Variants in ADARB2 observed in about 807,000 individuals in gnomAD.
ADARB2 encodes adenosine deaminase RNA specific B2 (inactive).
ADARB2 carries 25 observed loss-of-function variants against 62.2 expected under a neutral mutation model. The observed-to-expected ratio is 0.40, with a 90% CI of 0.29 to 0.56. The LOEUF is 0.56. ADARB2 is among the 20% of genes least tolerant of loss of function. The pLI, the probability that ADARB2 is intolerant of heterozygous loss-of-function variation, is 0.43. For synonymous variants in ADARB2, 572 were observed against 500.8 expected (o/e 1.14, Z -1.90); for missense variants, 1,071 against 1,077.4 (o/e 0.99, Z 0.08).
intron 1 of ADARB2, among the ~76,000 whole-genome samples, chr10:1,495,102 A>G (rs1305328689): frequency 2.6e-5 from 4 of 152,228 alleles, no homozygotes; most frequent in African/African-American, 9.6e-5. Flanking sequence ...TTTTTAGACC[A>G]CAGTTTACAT....
chr10:1,535,402 G>C (rs945701279), intron 1 of ADARB2, among the ~76,000 whole-genome samples: 1 of 152,182 alleles, frequency 6.6e-6, no homozygotes, highest in South Asian at 2.1e-4. Context: ...ACAATATTCC[G>C]AGGTGATACT....
chr10:1,665,539 C>T (rs1321233472), intron 1 of ADARB2, among the ~76,000 whole-genome samples: 4 of 152,382 alleles, frequency 2.6e-5, no homozygotes, highest in South Asian at 2.1e-4. Flanking sequence ...CCCACCCAGG[C>T]GGTGCATAGA....
intron 1 of ADARB2, among the ~76,000 whole-genome samples, chr10:1,591,859 G>T (rs1342652748): frequency 1.3e-5 from 2 of 152,206 alleles, no homozygotes; most frequent in African/African-American, 4.8e-5. Context: ...CTGGTATCTT[G>T]TAAGTGATAA....
intron 1 of ADARB2, among the ~76,000 whole-genome samples, chr10:1,627,504 C>G (rs1347523336): frequency 6.6e-6 from 1 of 152,182 alleles, no homozygotes; most frequent in African/African-American, 2.4e-5. Flanking sequence ...AGTCCTTGCA[C>G]AGACCCCATA....
chr10:1,732,239 A>G (rs899748653), intron 1 of ADARB2, among the ~76,000 whole-genome samples: 1 of 151,586 alleles, frequency 6.6e-6, no homozygotes, highest in African/African-American at 2.4e-5. Flanking sequence ...GTGTATATAT[A>G]TCATACTATA....
chr10:1,444,404 C>A (rs1170390705), intron 1 of ADARB2, among the ~76,000 whole-genome samples: 1 of 149,976 alleles, frequency 6.7e-6, no homozygotes, highest in African/African-American at 2.5e-5. Context: ...TACATCCATC[C>A]ATCTATCCAT....
chr10:1,267,298 A>G (rs1038777251), intron 4 of ADARB2, among the ~76,000 whole-genome samples: 4 of 152,254 alleles, frequency 2.6e-5, no homozygotes, highest in Non-Finnish European at 5.9e-5. Context: ...CCCCCTGGGA[A>G]TCTATTGAGA....
chr10:1,187,185 G>A (rs1162757556), intron 8 of ADARB2, among the ~76,000 whole-genome samples: 1 of 152,220 alleles, frequency 6.6e-6, no homozygotes, highest in Non-Finnish European at 1.5e-5. Flanking sequence ...CTGCCACCCC[G>A]AGAGCCGGGA....
intron 1 of ADARB2, among the ~76,000 whole-genome samples, chr10:1,448,497 G>C (rs1204542914): frequency 6.6e-6 from 1 of 152,170 alleles, no homozygotes. Flanking sequence ...CCCATTTCTG[G>C]TCTTGGCAGG....
At chr10:1,670,757 G>C (rs1369310940) in intron 1 of ADARB2, among the ~76,000 whole-genome samples, 1 of 152,174 alleles carries the variant, frequency 6.6e-6, no homozygotes, top group South Asian at 2.1e-4. Context: ...CCAACACTAC[G>C]GCTTCCTGAG....
Position 1,695,662 on chromosome 10 carries a change from C to T in ADARB2, c.100+41389G>A, listed in dbSNP as rs147356425. 2.8e-3 allele frequency among the ~76,000 whole-genome samples: 433 copies of T among 152,000 alleles called. 4 individuals are homozygous for T. The highest frequency in any genetic ancestry group is 0.01 in the Middle Eastern group (3 of 294). ...ATACACATAAACATGCATGCGAGAG[C>T]GTATGTGCATGTATGCAAGAAACAT... On this transcript the variant is annotated intron_variant, in intron 1 of 9. Transcript: ENST00000381312.
intron 8 of ADARB2, 101 bp from the exon 9 acceptor site, chr10:1,185,140 A>G (rs1836735027): frequency 2.2e-6 from 3 of 1,390,944 alleles, no homozygotes; most frequent in Non-Finnish European, 2.9e-6. Context: ...TGTGAGTGGG[A>G]ATGGTCCTCC....
chr10:1,317,652 G>A (rs1186323579), intron 3 of ADARB2, among the ~76,000 whole-genome samples: 1 of 151,062 alleles, frequency 6.6e-6, no homozygotes, highest in East Asian at 1.9e-4. Context: ...TGTTGCTGGT[G>A]CATCCATCTG....
chr10:1,464,239 G>A (rs1380528309), intron 1 of ADARB2, among the ~76,000 whole-genome samples: 1 of 131,792 alleles, frequency 7.6e-6, no homozygotes, highest in Non-Finnish European at 1.7e-5. Context: ...GTCACAGCGG[G>A]CAGTGCGCCG....
At chr10:1,724,809 G>A (rs1036640686) in intron 1 of ADARB2, among the ~76,000 whole-genome samples, 1 of 152,192 alleles carries the variant, frequency 6.6e-6, no homozygotes, top group African/African-American at 2.4e-5. Context: ...ACTTTAATAA[G>A]CAGGGGTGTC....
intron 1 of ADARB2, among the ~76,000 whole-genome samples, chr10:1,682,795 C>G (rs1456623003): frequency 6.6e-6 from 1 of 152,112 alleles, no homozygotes; most frequent in Admixed American, 6.5e-5. Flanking sequence ...TTTACAGAAA[C>G]AGAATAATAT....
chr10:1,500,965 C>G (rs1831761752), intron 1 of ADARB2, among the ~76,000 whole-genome samples: 1 of 152,184 alleles, frequency 6.6e-6, no homozygotes, highest in Non-Finnish European at 1.5e-5. Flanking sequence ...ACCTCCATCT[C>G]CCAGGTTCAA....
At chr10:1,359,086 G>A (rs986532730) in intron 3 of ADARB2, among the ~76,000 whole-genome samples, 2 of 152,208 alleles carry the variant, frequency 1.3e-5, no homozygotes, top group Non-Finnish European at 2.9e-5. Context: ...TTATGATGAT[G>A]CCTCCAGGTA....
At chr10:1,292,267 AATCTTGTTTTTC>A (rs1428483588) in intron 3 of ADARB2, 1 of 152,216 alleles carries the variant, frequency 6.6e-6, no homozygotes, top group African/African-American at 2.4e-5. Flanking sequence ...ACCTGGCTAG[AATCTTGTTTTTC>A]ACTCCCAGGG....
Sources: allele counts gnomAD v4.1 joint callset (sites outside exome capture counted in the v4.1 genomes callset), GRCh38; gene constraint gnomAD v4.1.1; transcripts MANE v1.5; gene names NCBI Gene and HGNC (gene_info 2026-07-23, HGNC 2026-07-21).